Variants in ATAD2B observed in about 807,000 individuals in gnomAD.
The protein encoded by ATAD2B is ATPase family AAA domain-containing protein 2B.
In ATAD2B, 40 loss-of-function variants were observed where a neutral mutation model predicts 167.6. The ratio of observed to expected loss-of-function variants is 0.24; its 90% CI spans 0.19 to 0.31. ATAD2B has a LOEUF of 0.31. ATAD2B is among the 10% of genes least tolerant of loss of function. The pLI, the probability that ATAD2B is intolerant of heterozygous loss-of-function variation, is 1.00. For missense variants in ATAD2B, 1,242 were observed against 1,757.2 expected (o/e 0.71, Z 5.24); for synonymous variants, 579 against 596.5 (o/e 0.97, Z 0.43).
chr2:23,815,550 A>G (rs1321931018), intron 17 of ATAD2B, among the ~76,000 whole-genome samples: 1 of 152,222 alleles, frequency 6.6e-6, no homozygotes, highest in Non-Finnish European at 1.5e-5. Flanking sequence ...CTCAAGAGCA[A>G]TCTAGGCTTG....
chr2:23,895,839 G>A lies in ATAD2B; in HGVS notation c.348C>T (p.Asn116=). 1.2e-6 allele frequency: 2 copies of A among 1,611,914 alleles called. No individual in the cohort carries two copies. The highest frequency in any genetic ancestry group is 1.7e-6 in the Non-Finnish European group (2 of 1,178,728). Residue 116 remains asparagine (N), a synonymous_variant, in exon 2 of 28, where the codon AAC becomes AAT. Transcript: ENST00000238789. ...CTCACCTGGCCTGTCCAGTTGATAA[G>A]TTCCATTCCTCTCGCTGACCAGTAC... ...SRSTGQREEW[N]LSTGQARLTS...
rs531473163 is a variant in ATAD2B, at chr2:23,760,673, A to T, written c.3394+1536T>A. On this transcript the variant is annotated intron_variant, in intron 24 of 27. Coordinates refer to ENST00000238789, the MANE Select transcript of ATAD2B (RefSeq NM_017552.4). Reference sequence around the variant, plus strand: ...AGAGAGACTCTGTCTCAAGAAAAAAAAAAAAAATAAATAAATTTATATATA... The same window carrying T: ...AGAGAGACTCTGTCTCAAGAAAAAATAAAAAAATAAATAAATTTATATATA... Among the ~76,000 whole-genome samples the T allele has an allele frequency of 6.8e-3, 868 of 127,990 alleles. 9 individuals are homozygous for T. Among genetic ancestry groups the T allele is most frequent in the African/African-American group, 0.019 (701 of 36,182 alleles). 84.0% of individuals were successfully genotyped at this position (127,990 alleles called of 152,430 possible). A position where few individuals can be genotyped will look rare whatever the true frequency, so the allele number is the denominator to read the frequency against.
intron 24 of ATAD2B, among the ~76,000 whole-genome samples, chr2:23,760,832 C>A (rs866217053): frequency 4.0e-5 from 6 of 148,240 alleles, no homozygotes; most frequent in African/African-American, 1.5e-4. Flanking sequence ...TCTTTAGAGT[C>A]AATTTTTATA....
chr2:23,859,134 A>T (rs1186305130), intron 12 of ATAD2B, among the ~76,000 whole-genome samples: 1 of 152,110 alleles, frequency 6.6e-6, no homozygotes, highest in Non-Finnish European at 1.5e-5. Context: ...ACCTTTGCTA[A>T]TTTTTTAGGA....
intron 19 of ATAD2B, among the ~76,000 whole-genome samples, chr2:23,789,593 G>C (rs1235285656): frequency 6.6e-6 from 1 of 152,110 alleles, no homozygotes; most frequent in Non-Finnish European, 1.5e-5. Context: ...TGGAAAGATA[G>C]ACCAACCATG....
chr2:23,770,231 G>C (rs1464987800), intron 22 of ATAD2B, among the ~76,000 whole-genome samples: 1 of 151,874 alleles, frequency 6.6e-6, no homozygotes, highest in Non-Finnish European at 1.5e-5. Context: ...CAGGAGAATT[G>C]CTTAAACCCA....
At chr2:23,903,953 G>A (rs958135053) in intron 1 of ATAD2B, among the ~76,000 whole-genome samples, 2 of 152,056 alleles carry the variant, frequency 1.3e-5, no homozygotes, top group African/African-American at 4.8e-5. Flanking sequence ...TGGTGGTGGT[G>A]GTGGTGGTAG....
chr2:23,920,227 A>G (rs1376142776), intron 1 of ATAD2B, among the ~76,000 whole-genome samples: 1 of 152,206 alleles, frequency 6.6e-6, no homozygotes, highest in Non-Finnish European at 1.5e-5. Context: ...AGGTTTCAAC[A>G]TAATAGTCTC....
At chr2:23,816,183 C>T (rs2149585393) in intron 17 of ATAD2B, among the ~76,000 whole-genome samples, 1 of 152,312 alleles carries the variant, frequency 6.6e-6, no homozygotes, top group South Asian at 2.1e-4. Context: ...AAATACTACT[C>T]TCATACATTA....
chr2:23,705,424 G>T, the ATAD2B span, among the ~76,000 whole-genome samples: 1 of 152,058 alleles, frequency 6.6e-6, no homozygotes. Context: ...CCTGGGAGGC[G>T]GAGGTTGCAG....
At chr2:23,737,462 T>G in the ATAD2B span, among the ~76,000 whole-genome samples, 4 of 152,092 alleles carry the variant, frequency 2.6e-5, no homozygotes, top group African/African-American at 9.7e-5. Flanking sequence ...TCTAGCAAAC[T>G]CCAACAGACC....
chr2:23,708,167 GTT>G, the ATAD2B span: 1 of 152,228 alleles, frequency 6.6e-6, no homozygotes, highest in African/African-American at 2.4e-5. Context: ...CAGTTCTAAC[GTT>G]GGGCATCAAC....
chr2:23,798,578 T>C (rs1682968455), intron 18 of ATAD2B, among the ~76,000 whole-genome samples: 1 of 151,760 alleles, frequency 6.6e-6, no homozygotes, highest in Admixed American at 6.6e-5. Flanking sequence ...CTATTCAGTA[T>C]ATATTAACAG....
chr2:23,700,438 C>T, the ATAD2B span, among the ~76,000 whole-genome samples: 3 of 152,132 alleles, frequency 2.0e-5, no homozygotes, highest in East Asian at 1.9e-4. The surrounding 1 kb of genome is among the most constrained non-coding windows in gnomAD (Gnocchi z 4.6). Context: ...ATGCCTATTG[C>T]GCCTCTCCAG....
rs755100333 is a variant in ATAD2B at position 23,754,310 on chromosome 2, A to G, written c.4207-3T>C. 1.9e-6 allele frequency: 3 copies of G among 1,542,686 alleles called. No individual in the cohort carries two copies. In the South Asian group the frequency reaches 3.7e-5, roughly 19 times the overall value. The stretch of plus-strand genomic sequence containing the variant: ...TCCACCAACAAATCAAGCAATTTCT[A>G]AGAAAAAACAGAAAAGAATAAAATG... On this transcript the variant is annotated splice_polypyrimidine_tract_variant and splice_region_variant and intron_variant, in intron 26 of 27. Coordinates refer to ENST00000238789, the MANE Select transcript of ATAD2B (RefSeq NM_017552.4).
At chr2:23,738,028 T>C in the ATAD2B span, among the ~76,000 whole-genome samples, 1 of 152,148 alleles carries the variant, frequency 6.6e-6, no homozygotes, top group Non-Finnish European at 1.5e-5. Flanking sequence ...GAACAAAGCC[T>C]CCAAGAAATA....
intron 25 of ATAD2B, among the ~76,000 whole-genome samples, chr2:23,756,807 G>C (rs771129262): frequency 2.0e-4 from 31 of 152,126 alleles, no homozygotes; most frequent in Non-Finnish European, 3.8e-4. Context: ...TTCCTGGAAT[G>C]AATATACCTT....
At chr2:23,848,011 T>G (rs920881642) in intron 13 of ATAD2B, among the ~76,000 whole-genome samples, 17 of 141,038 alleles carry the variant, frequency 1.2e-4, no homozygotes, top group Non-Finnish European at 2.0e-4. Context: ...AAAAAAAAAG[T>G]GTTTTCAGAT....
At chr2:23,771,127 C>T (rs1248141294) in intron 22 of ATAD2B, among the ~76,000 whole-genome samples, 2 of 152,040 alleles carry the variant, frequency 1.3e-5, no homozygotes, top group Non-Finnish European at 2.9e-5. Context: ...TATAGAAAAA[C>T]AAGTGTTTTA....
Sources: allele counts gnomAD v4.1 joint callset (sites outside exome capture counted in the v4.1 genomes callset), GRCh38; gene constraint gnomAD v4.1.1; non-coding constraint Gnocchi (gnomAD v3.1); transcripts MANE v1.5; gene names NCBI Gene and HGNC (gene_info 2026-07-23, HGNC 2026-07-21).